The following NTNG1 variants were observed in gnomAD, a reference collection of about 807,000 sequenced individuals.
NTNG1 encodes the protein netrin G1, also known as netrin-G1.
NTNG1 carries 16 observed loss-of-function variants against 54.0 expected under a neutral mutation model. The ratio of observed to expected loss-of-function variants is 0.30; its 90% CI spans 0.20 to 0.45. The LOEUF (loss-of-function observed/expected upper bound fraction) is 0.45, where lower values mean the gene tolerates loss of function less well. Among genes scored for constraint, NTNG1 ranks in the 20% least tolerant of loss-of-function variants. The probability of loss-of-function intolerance (pLI) is 1.00; values close to 1 mark genes in which losing one functional copy is unlikely to be tolerated. For missense variants in NTNG1, 530 were observed against 678.7 expected (o/e 0.78, Z 2.43); for synonymous variants, 255 against 263.1 (o/e 0.97, Z 0.30).
chr1:107,308,616 G>A (rs1485567175), intron 2 of NTNG1, among the ~76,000 whole-genome samples: 1 of 152,086 alleles, frequency 6.6e-6, no homozygotes, highest in Admixed American at 6.6e-5. Context: ...TTTTGCTTAG[G>A]TTTGCTTTGG....
At chr1:107,238,431 C>G (rs748750066) in intron 2 of NTNG1, among the ~76,000 whole-genome samples, 5 of 152,050 alleles carry the variant, frequency 3.3e-5, no homozygotes, top group Non-Finnish European at 5.9e-5. Context: ...TGAGTTAAGA[C>G]TTTTGGGGAC....
intron 3 of NTNG1, among the ~76,000 whole-genome samples, chr1:107,335,748 A>G (rs1454122202): frequency 6.6e-6 from 1 of 152,018 alleles, no homozygotes; most frequent in African/African-American, 2.4e-5. Flanking sequence ...GTTGCAGGAT[A>G]CAAAAGCAAC....
At chr1:107,307,775 C>G (rs1224260604) in intron 2 of NTNG1, among the ~76,000 whole-genome samples, 2 of 152,124 alleles carry the variant, frequency 1.3e-5, no homozygotes, top group African/African-American at 4.8e-5. Context: ...CCTATTTTTA[C>G]TGGTTTCTCT....
chr1:107,228,051 T>C (rs1030060567), intron 2 of NTNG1, among the ~76,000 whole-genome samples: 1 of 152,204 alleles, frequency 6.6e-6, no homozygotes, highest in Non-Finnish European at 1.5e-5. Context: ...CTTTTGTTCT[T>C]ATTCAAGTAC....
chr1:107,284,638 A>G (rs1203347919), intron 2 of NTNG1, among the ~76,000 whole-genome samples: 1 of 152,128 alleles, frequency 6.6e-6, no homozygotes, highest in Non-Finnish European at 1.5e-5. Context: ...CAAAAATTAT[A>G]TATATACTAT....
In NTNG1 at chr1:107,484,627, G is replaced by A. The variant is rs1464624448; in HGVS notation, c.*3787G>A. ...AAGAAGGCGTCTGCTCCACAGTTCA[G>A]CTGGCCCTGTAGTTAATGCTCCCCT... On this transcript the variant is annotated 3_prime_UTR_variant, in exon 8 of 8. Transcript: ENST00000370068. 5.9e-5 allele frequency among the ~76,000 whole-genome samples: 9 copies of A among 152,196 alleles called. No homozygotes were observed. Among genetic ancestry groups the A allele is most frequent in the Non-Finnish European group, 1.0e-4 (7 of 68,032 alleles).
At chr1:107,231,582 C>T (rs1368613124) in intron 2 of NTNG1, among the ~76,000 whole-genome samples, 1 of 151,842 alleles carries the variant, frequency 6.6e-6, no homozygotes, top group African/African-American at 2.4e-5. Flanking sequence ...CATACATTGC[C>T]AAATTAATTA....
intron 2 of NTNG1, among the ~76,000 whole-genome samples, chr1:107,176,106 A>G (rs1656624412): frequency 6.6e-6 from 1 of 152,138 alleles, no homozygotes; most frequent in African/African-American, 2.4e-5. Context: ...AATTTCTACT[A>G]TTGGGTAGAA....
At chr1:107,355,388 G>T (rs550611384) in intron 3 of NTNG1, among the ~76,000 whole-genome samples, 1 of 151,382 alleles carries the variant, frequency 6.6e-6, no homozygotes, top group Non-Finnish European at 1.5e-5. Flanking sequence ...ATAATTGATG[G>T]TAATTTATCT....
rs758253251 is a variant in NTNG1, at chr1:107,240,275, ATT to A, written c.247-83989_247-83988del. Among the ~76,000 whole-genome samples the A allele has an allele frequency of 9.9e-3, 1,445 of 145,586 alleles. 24 individuals carry two copies. The highest frequency in any genetic ancestry group is 0.033 in the African/African-American group (1,324 of 39,682). On this transcript the variant is annotated intron_variant, in intron 2 of 7. Transcript: ENST00000370068. ...TATCCCTTTTGAGTGGAATATCCTT[ATT>A]TTTTTTTTTTTTTTTTTACACATTA...
At position 107,190,629 on chromosome 1, in the gene NTNG1, A is replaced by C. The variant is rs547222878; in HGVS notation, c.246+41790A>C. Among the ~76,000 whole-genome samples the C allele has an allele frequency of 8.5e-3, 1,286 of 151,798 alleles. 14 individuals are homozygous for C. Among genetic ancestry groups the C allele is most frequent in the African/African-American group, 0.029 (1,218 of 41,358 alleles). On this transcript the variant is annotated intron_variant, in intron 2 of 7. Transcript: ENST00000370068. ...GTGTGATGTTCCCCTTCCTGTGTCCAAGTGTTCTCATTGTTCAGTTCCCAC... is the reference window on the plus strand; with the variant it reads ...GTGTGATGTTCCCCTTCCTGTGTCCCAGTGTTCTCATTGTTCAGTTCCCAC...
chr1:107,452,864 G>A (rs906153779), intron 7 of NTNG1, among the ~76,000 whole-genome samples: 1 of 152,074 alleles, frequency 6.6e-6, no homozygotes, highest in Non-Finnish European at 1.5e-5. Context: ...CTATAGCAAC[G>A]CAAAATGGAC....
chr1:107,207,941 G>A (rs1162330451), intron 2 of NTNG1, among the ~76,000 whole-genome samples: 1 of 152,092 alleles, frequency 6.6e-6, no homozygotes, highest in African/African-American at 2.4e-5. Flanking sequence ...CTTCCACCCT[G>A]TCTCTGGTTC....
intron 3 of NTNG1, among the ~76,000 whole-genome samples, chr1:107,373,064 G>A (rs2100998691): frequency 6.6e-6 from 1 of 152,032 alleles, no homozygotes; most frequent in South Asian, 2.1e-4. Flanking sequence ...ATAGTGTTTA[G>A]ATTATTTATA....
chr1:107,290,395 C>A (rs2101760355), intron 2 of NTNG1, among the ~76,000 whole-genome samples: 1 of 152,198 alleles, frequency 6.6e-6, no homozygotes, highest in East Asian at 1.9e-4. Flanking sequence ...TAGAAAGGTT[C>A]CTGAAGTGAC....
In NTNG1 at chr1:107,333,801, C is replaced by T. The variant is rs186979809; in HGVS notation, c.887+8879C>T. On this transcript the variant is annotated intron_variant, in intron 3 of 7. Transcript: ENST00000370068. ...TGAGACTGTCGTAGAGAAAGACTAA[C>T]CTCAATGAAGAGTATCTCTTTTTTT... 224 of 150,666 alleles carry T rather than the reference C, an allele frequency of 1.5e-3. 1 individual carries two copies. Among genetic ancestry groups the T allele is most frequent in the African/African-American group, 5.1e-3 (211 of 41,112 alleles). The allele number at this position is 150,666 out of a possible 1,614,324, so 9.3% of individuals were successfully genotyped here. A position where few individuals can be genotyped will look rare whatever the true frequency, so the allele number is the denominator to read the frequency against.
chr1:107,210,370 G>T (rs866481736), intron 2 of NTNG1, among the ~76,000 whole-genome samples: 41 of 152,306 alleles, frequency 2.7e-4, no homozygotes, highest in African/African-American at 8.9e-4. Context: ...AATTAAGGCA[G>T]TGGTCCGGAG....
chr1:107,392,089 T>C (rs1018976081), intron 3 of NTNG1, among the ~76,000 whole-genome samples: 7 of 151,952 alleles, frequency 4.6e-5, no homozygotes, highest in African/African-American at 1.2e-4. Context: ...TGGGGACATA[T>C]TGAGTTAAGT....
At chr1:107,184,367 T>C (rs985104706) in intron 2 of NTNG1, among the ~76,000 whole-genome samples, 9 of 152,142 alleles carry the variant, frequency 5.9e-5, no homozygotes, top group Non-Finnish European at 1.3e-4. Context: ...AGTCAATTGT[T>C]GCCAGATCCA....
Sources: allele counts gnomAD v4.1 joint callset (sites outside exome capture counted in the v4.1 genomes callset), GRCh38; gene constraint gnomAD v4.1.1; transcripts MANE v1.5; gene names NCBI Gene and HGNC (gene_info 2026-07-23, HGNC 2026-07-21).